CLPB: variants seen among roughly 807,000 people sequenced by gnomAD.
CLPB encodes the protein ClpB family mitochondrial disaggregase, also known as mitochondrial disaggregase.
CLPB carries 40 observed loss-of-function variants against 78.4 expected under a neutral mutation model. That is an observed-to-expected ratio of 0.51 (90% confidence interval 0.40 to 0.66). The LOEUF (loss-of-function observed/expected upper bound fraction) is 0.66, where lower values mean the gene tolerates loss of function less well. Among genes scored for constraint, CLPB ranks in the 30% least tolerant of loss-of-function variants. The probability of loss-of-function intolerance (pLI) is 0.00; values close to 1 mark genes in which losing one functional copy is unlikely to be tolerated. For missense variants in CLPB, 780 were observed against 886.9 expected, an observed-to-expected ratio of 0.88 and a Z score of 1.53; for synonymous variants, 333 against 348.0, an observed-to-expected ratio of 0.96 and a Z score of 0.48.
chr11:72,415,800 T>C (rs1470043428), intron 2 of CLPB, among the ~76,000 whole-genome samples: 2 of 152,162 alleles, frequency 1.3e-5, no homozygotes, highest in African/African-American at 4.8e-5. Flanking sequence ...TCGGGCCATA[T>C]TAATAGAAGT....
intron 3 of CLPB, among the ~76,000 whole-genome samples, chr11:72,390,848 A>T (rs892261906): frequency 5.3e-5 from 8 of 152,178 alleles, no homozygotes; most frequent in Admixed American, 5.2e-4. Context: ...AGGTCCATAA[A>T]GGGCAACACA....
chr11:72,347,972 A>G (rs1256391550), intron 5 of CLPB, among the ~76,000 whole-genome samples: 1 of 152,232 alleles, frequency 6.6e-6, no homozygotes, highest in Non-Finnish European at 1.5e-5. Flanking sequence ...GGCAGCCACT[A>G]GAAGCTGGGA....
intron 3 of CLPB, among the ~76,000 whole-genome samples, chr11:72,402,117 C>T (rs1855580640): frequency 1.3e-5 from 2 of 151,878 alleles, no homozygotes; most frequent in African/African-American, 4.8e-5. Flanking sequence ...AAAATTAGCC[C>T]AGTGTGATGG....
Position 72,293,419 on chromosome 11 carries a change from C to T in CLPB, c.1982G>A (p.Arg661Lys). 6.2e-7 allele frequency: 1 copy of T among 1,614,162 alleles called. No homozygotes were observed. The highest frequency in any genetic ancestry group is 8.5e-7 in the Non-Finnish European group (1 of 1,180,030). Residue 661 changes from arginine to lysine, a missense_variant, in exon 16 of 16, where the codon AGA (arginine) becomes AAA (lysine). Arg to Lys is a conservative substitution (Grantham distance 26). Coordinates refer to ENST00000538039, the MANE Select transcript of CLPB (RefSeq NM_001258392.3). ...EIIDKDSKTR[R>K]LDIRAPLHPE... Reference sequence around the variant, plus strand: ...GTGCAGTGGTGCCCGGATGTCCAGTCTGCGAGTCTTGCTGTCCTTGTCGAT... The same window carrying T: ...GTGCAGTGGTGCCCGGATGTCCAGTTTGCGAGTCTTGCTGTCCTTGTCGAT...
Position 72,329,761 on chromosome 11 carries a change from C to G in CLPB, c.819G>C (p.Leu273Phe), listed in dbSNP as rs368150943. The change falls in exon 6 of 16, where the codon TTG (leucine) becomes TTC (phenylalanine). Residue 273 changes from leucine (L) to phenylalanine (F), a missense_variant. Coordinates refer to ENST00000538039, the MANE Select transcript of CLPB (RefSeq NM_001258392.3). ...TCACTTCCCCTTCTCGGGCATAATC[C>G]AAGGGTGTGTGTCCCATTTCATTCC... ...LQRNEMGHTPLDYAREGEVMK... is the reference protein window; with the variant it reads ...LQRNEMGHTPFDYAREGEVMK... 5.1e-5 allele frequency: 82 copies of G among 1,613,798 alleles called. 1 individual carries two copies. The highest frequency in any genetic ancestry group is 6.7e-5 in the Non-Finnish European group (79 of 1,179,940).
chr11:72,425,979 C>G (rs1412982461), intron 2 of CLPB, among the ~76,000 whole-genome samples: 1 of 152,112 alleles, frequency 6.6e-6, no homozygotes, highest in Non-Finnish European at 1.5e-5. Context: ...TACCCCGACT[C>G]TGTCATCATG....
intron 13 of CLPB, 73 bp from the exon 14 acceptor site, chr11:72,294,517 G>A: frequency 6.2e-7 from 1 of 1,610,518 alleles, no homozygotes; most frequent in Non-Finnish European, 8.5e-7. Context: ...AGACACCAGG[G>A]GAAGACTGGG....
intron 6 of CLPB, among the ~76,000 whole-genome samples, chr11:72,322,158 G>GACA (rs1950055653): frequency 6.6e-6 from 1 of 152,226 alleles, no homozygotes; most frequent in South Asian, 2.1e-4. Context: ...GTAGAGGAAG[G>GACA]CCGAAAACAA....
chr11:72,374,212 G>T (rs1173692107), intron 4 of CLPB, among the ~76,000 whole-genome samples: 9 of 152,092 alleles, frequency 5.9e-5, no homozygotes, highest in Non-Finnish European at 1.2e-4. Context: ...CCTCCATAGA[G>T]AAATTCTTTA....
chr11:72,295,885 T>C (rs1328421138), intron 11 of CLPB, among the ~76,000 whole-genome samples: 3 of 152,258 alleles, frequency 2.0e-5, no homozygotes, highest in African/African-American at 7.2e-5. Context: ...CAGGTGAGGC[T>C]GCAGTTGCTC....
intron 6 of CLPB, among the ~76,000 whole-genome samples, chr11:72,321,586 A>T (rs1051187250): frequency 7.9e-5 from 12 of 151,766 alleles, no homozygotes; most frequent in Admixed American, 6.6e-5. Context: ...TCTGCGGGGG[A>T]GGGTTACAGA....
At chr11:72,300,211 T>C (rs907230764) in intron 11 of CLPB, among the ~76,000 whole-genome samples, 1 of 152,198 alleles carries the variant, frequency 6.6e-6, no homozygotes, top group Admixed American at 6.5e-5. Context: ...TTGCTTCAGT[T>C]TCCACATCTG....
At chr11:72,294,580 C>T (rs775180578) in intron 13 of CLPB, 40 bp downstream of exon 13, 6 of 1,608,796 alleles carry the variant, frequency 3.7e-6, no homozygotes, top group Non-Finnish European at 5.1e-6. Flanking sequence ...CCTCCCCCAA[C>T]CTTAGGCTCC....
chr11:72,304,868 C>G (rs1438893157), intron 9 of CLPB, among the ~76,000 whole-genome samples: 1 of 152,212 alleles, frequency 6.6e-6, no homozygotes, highest in Non-Finnish European at 1.5e-5. Context: ...GAGAATGACA[C>G]TTTCCATACA....
intron 2 of CLPB, among the ~76,000 whole-genome samples, chr11:72,426,009 T>C (rs1303570188): frequency 2.0e-5 from 3 of 152,078 alleles, no homozygotes; most frequent in African/African-American, 7.2e-5. Flanking sequence ...CATGACTGCT[T>C]AAGTGTTCCC....
intron 6 of CLPB, among the ~76,000 whole-genome samples, chr11:72,325,414 C>T (rs763904265): frequency 6.6e-6 from 1 of 152,070 alleles, no homozygotes; most frequent in African/African-American, 2.4e-5. Context: ...CCTGCCTCTC[C>T]CCCAGCCAGA....
intron 6 of CLPB, among the ~76,000 whole-genome samples, chr11:72,327,020 T>G: frequency 6.6e-6 from 1 of 152,226 alleles, no homozygotes; most frequent in East Asian, 1.9e-4. Flanking sequence ...ACATTCAGAA[T>G]GGAGAAAGTC....
intron 2 of CLPB, among the ~76,000 whole-genome samples, chr11:72,427,418 A>G (rs1490473736): frequency 6.6e-6 from 1 of 152,178 alleles, no homozygotes; most frequent in Non-Finnish European, 1.5e-5. Flanking sequence ...TGACCCAACC[A>G]TGTGTAACCT....
chr11:72,297,130 G>C (rs1435417729), intron 11 of CLPB, among the ~76,000 whole-genome samples: 1 of 152,222 alleles, frequency 6.6e-6, no homozygotes, highest in Non-Finnish European at 1.5e-5. Context: ...ATCTACCTGA[G>C]ATTTCTTTTG....
Sources: allele counts gnomAD v4.1 joint callset (sites outside exome capture counted in the v4.1 genomes callset), GRCh38; gene constraint gnomAD v4.1.1; transcripts MANE v1.5; gene names NCBI Gene and HGNC (gene_info 2026-07-23, HGNC 2026-07-21).